ARMC9: variants seen among roughly 807,000 people sequenced by gnomAD.
ARMC9 encodes lisH domain-containing protein ARMC9.
In ARMC9, 94 loss-of-function variants were observed where a neutral mutation model predicts 107.0. The ratio of observed to expected loss-of-function variants is 0.88; its 90% CI spans 0.74 to 1.04. The LOEUF (loss-of-function observed/expected upper bound fraction) is 1.04. Ranked by LOEUF, ARMC9 falls within the 50% of genes least tolerant of loss-of-function variation. ARMC9 has a pLI of 0.00. For missense variants in ARMC9, 942 were observed against 1,030.1 expected (o/e 0.91, Z 1.17); for synonymous variants, 380 against 396.9 (o/e 0.96, Z 0.51).
At chr2:231,285,935 A>G (rs2040558354) in intron 17 of ARMC9, among the ~76,000 whole-genome samples, 3 of 152,162 alleles carry the variant, frequency 2.0e-5, no homozygotes, top group South Asian at 4.1e-4. Flanking sequence ...TTTGCTTGGC[A>G]GAGTTTAGGT....
chr2:231,232,235 A>G (rs2035300802), intron 7 of ARMC9, among the ~76,000 whole-genome samples: 1 of 151,220 alleles, frequency 6.6e-6, no homozygotes, highest in Admixed American at 6.6e-5. Flanking sequence ...TATGTTGGCC[A>G]GGGTGGTCTT....
rs3042595 is a variant in ARMC9, at chr2:231,255,180, A to AACACAC, written c.880-1370_880-1365dup. Among the ~76,000 whole-genome samples the AACACAC allele has an allele frequency of 3.2e-3, 472 of 146,852 alleles. 4 individuals carry two copies. Among genetic ancestry groups the AACACAC allele is most frequent in the Middle Eastern group, 6.9e-3 (2 of 290 alleles). ...AGCACTACCTGTAGTGGCAAAAAGAAACACACACACACACACACACACACA... is the reference window on the plus strand; with the variant it reads ...AGCACTACCTGTAGTGGCAAAAAGAAACACACACACACACACACACACACACACACA... On this transcript the variant is annotated intron_variant, in intron 9 of 24. Transcript: ENST00000611582. The surrounding 1 kb of genome is among the most constrained non-coding windows in gnomAD (Gnocchi z 4.7).
intron 8 of ARMC9, among the ~76,000 whole-genome samples, chr2:231,237,939 A>G (rs1375561878): frequency 1.3e-5 from 2 of 151,548 alleles, no homozygotes; most frequent in African/African-American, 2.4e-5. Flanking sequence ...AAACAGTTTC[A>G]GAACTGAGGG....
chr2:231,325,649 C>T (rs376941548), intron 19 of ARMC9, among the ~76,000 whole-genome samples: 2 of 152,134 alleles, frequency 1.3e-5, no homozygotes, highest in African/African-American at 2.4e-5. Context: ...ACAAGGAGTA[C>T]TCATTTTCCT....
At chr2:231,220,350 A>G (rs1235591615) in intron 5 of ARMC9, among the ~76,000 whole-genome samples, 5 of 152,230 alleles carry the variant, frequency 3.3e-5, no homozygotes, top group Non-Finnish European at 7.4e-5. Context: ...TAATCCTAGC[A>G]CTTTGGGAGG....
At chr2:231,320,558 CAA>C (rs59261270) in intron 19 of ARMC9, among the ~76,000 whole-genome samples, 119 of 96,086 alleles carry the variant, frequency 1.2e-3, no homozygotes, top group Middle Eastern at 6.3e-3. Flanking sequence ...CCCTCATGGA[CAA>C]AAAAAAAAAA....
chr2:231,299,980 A>G (rs1316166180), intron 19 of ARMC9, among the ~76,000 whole-genome samples: 1 of 152,200 alleles, frequency 6.6e-6, no homozygotes, highest in African/African-American at 2.4e-5. Context: ...TGATGCATTT[A>G]TTTTATATGA....
chr2:231,270,906 C>T, intron 12 of ARMC9, 76 bp from the exon 13 acceptor site: 2 of 1,250,972 alleles, frequency 1.6e-6, no homozygotes, highest in Non-Finnish European at 2.3e-6. Flanking sequence ...AAGAGAACTA[C>T]CAGACCCGAA....
intron 8 of ARMC9, among the ~76,000 whole-genome samples, chr2:231,237,410 G>GT (rs560696402): frequency 1.3e-3 from 193 of 151,936 alleles, no homozygotes; most frequent in African/African-American, 4.3e-3. Context: ...TAGATTTTTT[G>GT]TTTTTTTGTT....
At chr2:231,209,930 T>C (rs559988704) in intron 3 of ARMC9, among the ~76,000 whole-genome samples, 1 of 152,376 alleles carries the variant, frequency 6.6e-6, no homozygotes, top group East Asian at 1.9e-4. Flanking sequence ...GTGATCTTCC[T>C]GCCTCAACCT....
At chr2:231,208,897 C>T (rs923814037) in intron 3 of ARMC9, among the ~76,000 whole-genome samples, 3 of 151,890 alleles carry the variant, frequency 2.0e-5, no homozygotes, top group Non-Finnish European at 2.9e-5. Flanking sequence ...AGTAGGACCT[C>T]GTTTCTTTTT....
rs191480906 is a variant in ARMC9, at chr2:231,355,325, G to T, written c.1995-473G>T. ...ATGGCACTCCAGCCTGGGCGACAGA[G>T]TGAGACCCTGTCTCTAAGAAAAAAA... On this transcript the variant is annotated intron_variant, in intron 21 of 24. Coordinates refer to ENST00000611582, the MANE Select transcript of ARMC9 (RefSeq NM_001352754.2). 6.0e-3 allele frequency among the ~76,000 whole-genome samples: 916 copies of T among 152,326 alleles called. 3 individuals are homozygous for T. Among genetic ancestry groups the T allele is most frequent in the South Asian group, 0.018 (85 of 4,824 alleles).
intron 21 of ARMC9, among the ~76,000 whole-genome samples, chr2:231,349,029 C>G (rs1422714851): frequency 6.6e-6 from 1 of 151,674 alleles, no homozygotes; most frequent in Non-Finnish European, 1.5e-5. Flanking sequence ...TTTGGAGATT[C>G]CTCAAAGAAC....
intron 12 of ARMC9, 137 bp downstream of exon 12, chr2:231,262,535 CT>C: frequency 1.2e-6 from 1 of 829,226 alleles, no homozygotes; most frequent in Non-Finnish European, 1.9e-6. Flanking sequence ...TCATGAGGTT[CT>C]GGGCATTGGC....
chr2:231,328,809 C>CTTTT (rs2043510300), intron 19 of ARMC9, among the ~76,000 whole-genome samples: 1 of 127,100 alleles, frequency 7.9e-6, no homozygotes, highest in East Asian at 2.1e-4. Context: ...ATTTTCTTTT[C>CTTTT]TTTTCTTTTC....
At chr2:231,263,432 G>A (rs540821506) in intron 12 of ARMC9, among the ~76,000 whole-genome samples, 20 of 152,352 alleles carry the variant, frequency 1.3e-4, no homozygotes, top group South Asian at 4.1e-4. Flanking sequence ...AGAAGTGAGC[G>A]TGCAAGTCAG....
intron 19 of ARMC9, among the ~76,000 whole-genome samples, chr2:231,328,975 G>A (rs959347446): frequency 2.6e-5 from 4 of 151,180 alleles, no homozygotes; most frequent in African/African-American, 7.3e-5. Context: ...CCACCACGGC[G>A]GGCTACTTTT....
chr2:231,211,000 C>T (rs2032765464), intron 3 of ARMC9, among the ~76,000 whole-genome samples: 1 of 152,118 alleles, frequency 6.6e-6, no homozygotes, highest in South Asian at 2.1e-4. Context: ...TGGAATTATG[C>T]AGTATTCGTC....
chr2:231,239,330 A>G (rs924490014), intron 8 of ARMC9, among the ~76,000 whole-genome samples: 1 of 152,214 alleles, frequency 6.6e-6, no homozygotes, highest in Non-Finnish European at 1.5e-5. Context: ...AGGAGAATGC[A>G]GGATCCAGCA....
Sources: gnomAD v4.1 joint callset for allele counts (sites outside exome capture counted in the v4.1 genomes callset) on GRCh38, gnomAD v4.1.1 for gene constraint, Gnocchi (gnomAD v3.1) non-coding constraint, MANE v1.5 for transcripts, NCBI Gene and HGNC (gene_info 2026-07-23, HGNC 2026-07-21) for gene names.